Variants in PHYHD1 observed in about 807,000 individuals in gnomAD.
PHYHD1 encodes phytanoyl-CoA dioxygenase domain-containing protein 1.
In PHYHD1, 42 loss-of-function variants were observed where a neutral mutation model predicts 43.6. The ratio of observed to expected loss-of-function variants is 0.96; its 90% CI spans 0.75 to 1.25. PHYHD1 has a LOEUF of 1.25. Ranked by LOEUF, PHYHD1 falls within the 50% of genes most tolerant of loss-of-function variation. The pLI is 0.00. For synonymous variants in PHYHD1, 139 were observed against 143.6 expected (o/e 0.97, Z 0.23); for missense variants, 342 against 370.8 (o/e 0.92, Z 0.64).
chr9:128,922,936 CTT>C (rs59238657), intron 3 of PHYHD1, among the ~76,000 whole-genome samples: 1,364 of 90,626 alleles, frequency 0.015, 12 homozygotes, highest in African/African-American at 0.061. Context: ...ATGCCCAGCT[CTT>C]TTTTTTTTTT....
Position 128,927,206 on chromosome 9 carries a change from TG to T in PHYHD1, c.192+14del. The T allele has an allele frequency of 3.1e-6, 5 of 1,613,488 alleles. No homozygotes were observed. Among genetic ancestry groups the T allele is most frequent in the Non-Finnish European group, 4.2e-6 (5 of 1,179,928 alleles). On this transcript the variant is annotated intron_variant, in intron 4 of 12. Coordinates refer to ENST00000372592, the MANE Select transcript of PHYHD1 (RefSeq NM_001100876.2). ...GCAGCTTCGAGCCCAGGTAGGTGTCTGGGGCACATGAGGATGGGATGTGGCT... is the reference window on the plus strand; with the variant it reads ...GCAGCTTCGAGCCCAGGTAGGTGTCTGGGCACATGAGGATGGGATGTGGCT...
At chr9:128,923,557 T>C (rs942171169) in intron 3 of PHYHD1, among the ~76,000 whole-genome samples, 12 of 152,270 alleles carry the variant, frequency 7.9e-5, no homozygotes, top group African/African-American at 2.7e-4. Context: ...TCCAGATAGA[T>C]AAACTATACT....
In PHYHD1 at chr9:128,941,765, G is replaced by C; in HGVS notation, c.*52G>C. On this transcript the variant is annotated 3_prime_UTR_variant, in exon 13 of 13. Transcript: ENST00000372592. ...CCCCTCCCGGGTGAAGCTGTGGGCT[G>C]TAAACACCAGTGCCTTGCTCAGCCT... The C allele has an allele frequency of 1.2e-6, 2 of 1,611,906 alleles. No individual in the cohort carries two copies. Among genetic ancestry groups the C allele is most frequent in the Non-Finnish European group, 1.7e-6 (2 of 1,178,206 alleles).
rs1841571547 is a variant in PHYHD1 at position 128,941,812 on chromosome 9, T to C, written c.*99T>C. 6.6e-7 allele frequency: 1 copy of C among 1,519,386 alleles called. No homozygotes were observed. The highest frequency in any genetic ancestry group is 9.1e-7 in the Non-Finnish European group (1 of 1,100,222). The allele number at this position is 1,519,386 out of a possible 1,614,324, so 94.1% of individuals were successfully genotyped here. On this transcript the variant is annotated 3_prime_UTR_variant, in exon 13 of 13. Transcript: ENST00000372592. The stretch of plus-strand genomic sequence containing the variant: ...GCCTCCTGGTTGCAACAGGGAGGTC[T>C]TGTCTCCCCTCCTGGGCTTTCCTCC...
intron 3 of PHYHD1, among the ~76,000 whole-genome samples, chr9:128,922,689 G>C (rs1480567127): frequency 6.6e-6 from 1 of 152,232 alleles, no homozygotes; most frequent in East Asian, 1.9e-4. Flanking sequence ...GGCCTGCGAG[G>C]GGCCCAGGAG....
At chr9:128,938,110 C>T (rs1471126922) in intron 9 of PHYHD1, among the ~76,000 whole-genome samples, 1 of 152,110 alleles carries the variant, frequency 6.6e-6, no homozygotes, top group Non-Finnish European at 1.5e-5. Context: ...AATTCGAGAC[C>T]AGCCTGGCCA....
chr9:128,933,150 CTTTTTTT>C (rs751550740), intron 4 of PHYHD1, among the ~76,000 whole-genome samples: 2 of 104,210 alleles, frequency 1.9e-5, no homozygotes, highest in African/African-American at 3.5e-5. Flanking sequence ...TGCACCCAGA[CTTTTTTT>C]TTTTTTTTTT....
At chr9:128,931,397 C>T (rs964717019) in intron 4 of PHYHD1, among the ~76,000 whole-genome samples, 1 of 152,202 alleles carries the variant, frequency 6.6e-6, no homozygotes, top group African/African-American at 2.4e-5. Flanking sequence ...AAGCATGAGC[C>T]ACAGCACCCA....
chr9:128,929,259 A>G (rs1329842538), intron 4 of PHYHD1, among the ~76,000 whole-genome samples: 1 of 151,744 alleles, frequency 6.6e-6, no homozygotes, highest in Non-Finnish European at 1.5e-5. Flanking sequence ...TGGGGCCAGG[A>G]GGTTGAGGCT....
At chr9:128,936,552 G>C (rs774578301) in intron 7 of PHYHD1, 31 bp from the exon 8 acceptor site, 17 of 1,608,414 alleles carry the variant, frequency 1.1e-5, no homozygotes, top group Non-Finnish European at 1.4e-5. Flanking sequence ...ATGTGTGGCA[G>C]GCTGGCAGCA....
intron 3 of PHYHD1, among the ~76,000 whole-genome samples, chr9:128,926,217 C>G (rs1358240228): frequency 1.3e-5 from 2 of 152,166 alleles, no homozygotes; most frequent in African/African-American, 4.8e-5. Context: ...GGACAACTTT[C>G]CCTTGCCGCT....
At chr9:128,923,477 A>G (rs925494487) in intron 3 of PHYHD1, among the ~76,000 whole-genome samples, 1 of 152,266 alleles carries the variant, frequency 6.6e-6, no homozygotes, top group Non-Finnish European at 1.5e-5. Context: ...CACAATGGCC[A>G]GATAATCATG....
rs188354901 is a variant in PHYHD1 at position 128,922,804 on chromosome 9, G to A, written c.33+448G>A. Reference sequence around the variant, plus strand: ...TCCTACGCTGAGACTTAATATTTTCGTATACAGCTCTAGAAGCTTTGTTTC... The same window carrying A: ...TCCTACGCTGAGACTTAATATTTTCATATACAGCTCTAGAAGCTTTGTTTC... On this transcript the variant is annotated intron_variant, in intron 3 of 12. Coordinates refer to ENST00000372592, the MANE Select transcript of PHYHD1 (RefSeq NM_001100876.2). 2.3e-3 allele frequency among the ~76,000 whole-genome samples: 355 copies of A among 152,296 alleles called. 2 individuals are homozygous for A. The highest frequency in any genetic ancestry group is 6.8e-3 in the Middle Eastern group (2 of 294).
In PHYHD1 at chr9:128,934,038, C is replaced by A. The variant is rs376090645; in HGVS notation, c.296C>A (p.Ser99Tyr). 4.1e-5 allele frequency: 66 copies of A among 1,613,690 alleles called. No individual in the cohort carries two copies. Among genetic ancestry groups the A allele is most frequent in the Non-Finnish European group, 5.1e-5 (60 of 1,179,902 alleles). The part of the protein sequence containing the change: ...KGNFLVPPEK[S>Y]INKIGHALHA... ...AATTTCCTGGTCCCTCCGGAGAAAT[C>A]CATCAACAAAATTGGCCACGGTGAG... is the stretch of plus-strand genomic sequence containing the variant. Residue 99 changes from serine (S) to tyrosine (Y), a missense_variant, in exon 6 of 13, where the codon TCC becomes TAC. Physicochemically the swap from Ser to Tyr is moderately radical, Grantham distance 144. Coordinates refer to ENST00000372592, the MANE Select transcript of PHYHD1 (RefSeq NM_001100876.2).
intron 4 of PHYHD1, 93 bp downstream of exon 4, chr9:128,927,289 G>C: frequency 6.6e-7 from 1 of 1,523,794 alleles, no homozygotes; most frequent in Non-Finnish European, 9.0e-7. Context: ...AGGATCCCAA[G>C]GCTCCAGGGT....
chr9:128,926,800 T>A (rs1373126075), intron 3 of PHYHD1: 2 of 602,038 alleles, frequency 3.3e-6, no homozygotes, highest in East Asian at 3.7e-5. Context: ...CGCCTCAGCC[T>A]CTCAAAGTGC....
In PHYHD1 at chr9:128,925,690, G is replaced by A. The variant is rs75830081; in HGVS notation, c.34-1348G>A. 2.4e-3 allele frequency among the ~76,000 whole-genome samples: 363 copies of A among 152,124 alleles called. 6 individuals carry two copies. The East Asian group carries it at 0.039, about 16-fold the overall frequency. On this transcript the variant is annotated intron_variant, in intron 3 of 12. Transcript: ENST00000372592. ...ACTTCCCCTCCCTGGCTGCCACTGC[G>A]CTCAGGATAGAATATAGCTCCCAGC...
At chr9:128,932,648 TGAGCCAC>T (rs1376653344) in intron 4 of PHYHD1, among the ~76,000 whole-genome samples, 6 of 65,414 alleles carry the variant, frequency 9.2e-5, no homozygotes, top group African/African-American at 3.5e-4. Context: ...ATTACAGGTG[TGAGCCAC>T]TGCACCCAGC....
rs767809630 is a variant in PHYHD1 at position 128,927,089 on chromosome 9, T to A, written c.85T>A (p.Cys29Ser). 6.2e-7 allele frequency: 1 copy of A among 1,613,884 alleles called. No individual in the cohort carries two copies. Among genetic ancestry groups the A allele is most frequent in the Admixed American group, 1.7e-5 (1 of 59,988 alleles). The change falls in exon 4 of 13, where the codon TGT becomes AGT. Residue 29 changes from cysteine to serine, a missense_variant. By Grantham distance (112) the Cys-to-Ser change is moderately radical. Coordinates refer to ENST00000372592, the MANE Select transcript of PHYHD1 (RefSeq NM_001100876.2). ...VLEGFLSAEE[C>S]VAMQQRIGEI... ...GGAAGGATTCTTGTCTGCGGAAGAGTGTGTGGCCATGCAACAAAGGATTGG... is the reference window on the plus strand; with the variant it reads ...GGAAGGATTCTTGTCTGCGGAAGAGAGTGTGGCCATGCAACAAAGGATTGG...
Sources: allele counts gnomAD v4.1 joint callset (sites outside exome capture counted in the v4.1 genomes callset), GRCh38; gene constraint gnomAD v4.1.1; transcripts MANE v1.5; gene names NCBI Gene and HGNC (gene_info 2026-07-23, HGNC 2026-07-21).